The following NSL1 variants were observed in gnomAD, a reference collection of about 807,000 sequenced individuals.
NSL1 encodes the protein kinetochore-associated protein NSL1 homolog.
Under a neutral mutation model 25.4 loss-of-function variants are expected in NSL1, and 11 were observed. That is an observed-to-expected ratio of 0.43 (90% CI 0.27 to 0.72). The LOEUF is 0.72. Ranked by LOEUF, NSL1 falls within the 30% of genes least tolerant of loss-of-function variation. NSL1 has a pLI of 0.19. For synonymous variants in NSL1, 118 were observed against 120.6 expected, an observed-to-expected ratio of 0.98 and a Z score of 0.14; for missense variants, 330 against 342.7, an observed-to-expected ratio of 0.96 and a Z score of 0.29.
intron 4 of NSL1, among the ~76,000 whole-genome samples, chr1:212,780,240 C>T (rs914431809): frequency 6.6e-6 from 1 of 151,970 alleles, no homozygotes; most frequent in Non-Finnish European, 1.5e-5. Flanking sequence ...GTGCTGTGTC[C>T]ACTCAGGGTT....
intron 4 of NSL1, among the ~76,000 whole-genome samples, chr1:212,781,362 GT>G (rs777771493): frequency 6.6e-6 from 1 of 152,090 alleles, no homozygotes; most frequent in Non-Finnish European, 1.5e-5. Context: ...TTCAATTACT[GT>G]TTTTTTGTTA....
intron 4 of NSL1, among the ~76,000 whole-genome samples, chr1:212,768,866 T>C (rs1398966673): frequency 1.3e-5 from 2 of 152,062 alleles, no homozygotes; most frequent in Non-Finnish European, 2.9e-5. Flanking sequence ...CCAAAAACTA[T>C]TGAAATAAAA....
intron 4 of NSL1, among the ~76,000 whole-genome samples, chr1:212,748,217 A>C (rs1376195138): frequency 6.6e-6 from 1 of 152,202 alleles, no homozygotes; most frequent in Non-Finnish European, 1.5e-5. Flanking sequence ...AATATTATGT[A>C]ATCTAGTAAC....
Position 212,728,626 on chromosome 1 carries a change from G to A in NSL1, c.*9782C>T, listed in dbSNP as rs1657882518. 1.0e-6 allele frequency: 1 copy of A among 985,418 alleles called. No homozygotes were observed. Among genetic ancestry groups the A allele is most frequent in the Non-Finnish European group, 1.2e-6 (1 of 829,928 alleles). 61.0% of individuals were successfully genotyped at this position (985,418 alleles called of 1,614,324 possible). On this transcript the variant is annotated 3_prime_UTR_variant, in exon 6 of 6. Coordinates refer to ENST00000366977, the MANE Select transcript of NSL1 (RefSeq NM_015471.4). ...AAAAAATGGTTTCTGAGAATTCTGA[G>A]GCTCTGATCTGATGAGTGAAGGGAA...
chr1:212,747,128 CAA>C (rs138411233), intron 4 of NSL1, among the ~76,000 whole-genome samples: 86 of 128,098 alleles, frequency 6.7e-4, no homozygotes, highest in African/African-American at 7.3e-4. Context: ...GGCGACAGAG[CAA>C]AAAAAAAAAA....
chr1:212,751,574 G>A (rs1558045453), intron 4 of NSL1, among the ~76,000 whole-genome samples: 5 of 152,248 alleles, frequency 3.3e-5, no homozygotes, highest in African/African-American at 1.2e-4. Flanking sequence ...GCCTGGTAAA[G>A]AACTAAAACA....
At chr1:212,748,679 G>A (rs1658918968) in intron 4 of NSL1, among the ~76,000 whole-genome samples, 1 of 152,150 alleles carries the variant, frequency 6.6e-6, no homozygotes, top group Non-Finnish European at 1.5e-5. Flanking sequence ...TCAGAATAGT[G>A]GTTATACCTG....
chr1:212,776,278 G>A (rs902001156), intron 4 of NSL1, among the ~76,000 whole-genome samples: 4 of 151,940 alleles, frequency 2.6e-5, no homozygotes, highest in African/African-American at 4.8e-5. Context: ...CAGGAGAATC[G>A]CTTGAACCCA....
intron 5 of NSL1, among the ~76,000 whole-genome samples, chr1:212,739,122 T>C (rs1281895978): frequency 6.6e-6 from 1 of 152,198 alleles, no homozygotes; most frequent in Non-Finnish European, 1.5e-5. Flanking sequence ...GCTTAGCCTC[T>C]CTGTGCCTCA....
chr1:212,752,807 C>G lies in NSL1; in HGVS notation c.500-13206G>C, dbSNP rs376799830. 2.0e-5 allele frequency among the ~76,000 whole-genome samples: 3 copies of G among 151,780 alleles called. No homozygotes were observed. In the East Asian group the frequency reaches 5.8e-4, roughly 29 times the overall value. On this transcript the variant is annotated intron_variant, in intron 4 of 5. Coordinates refer to ENST00000366977, the MANE Select transcript of NSL1 (RefSeq NM_015471.4). ...TGGAAATGAAAGATTGAGTAATCAA[C>G]CTAGTTTTGCTTTCAGGTCACTGTA...
chr1:212,729,921 T>C lies in NSL1; in HGVS notation c.*8487A>G, dbSNP rs1657941206. 1 of 984,558 alleles carries C rather than the reference T, an allele frequency of 1.0e-6. No homozygotes were observed. The highest frequency in any genetic ancestry group is 1.2e-6 in the Non-Finnish European group (1 of 829,818). The allele number at this position is 984,558 out of a possible 1,614,324, so 61.0% of individuals were successfully genotyped here. ...GGGCAGGTAACCAGAAGCTGCCTTG[T>C]GGAGGAACTAAACCTCCGGAAGGAT... On this transcript the variant is annotated 3_prime_UTR_variant, in exon 6 of 6. Coordinates refer to ENST00000366977, the MANE Select transcript of NSL1 (RefSeq NM_015471.4).
chr1:212,782,929 AAAAG>A (rs1416634940), intron 3 of NSL1, among the ~76,000 whole-genome samples: 1 of 152,214 alleles, frequency 6.6e-6, no homozygotes, highest in Non-Finnish European at 1.5e-5. Flanking sequence ...AATGCAGGCA[AAAAG>A]AAAGAGGAAA....
chr1:212,761,697 C>T (rs1301207714), intron 4 of NSL1, among the ~76,000 whole-genome samples: 1 of 151,942 alleles, frequency 6.6e-6, no homozygotes, highest in Non-Finnish European at 1.5e-5. Context: ...ATTAAAGAAG[C>T]TCAGTGAGAT....
chr1:212,790,461 T>TA (rs1661154212), intron 1 of NSL1, among the ~76,000 whole-genome samples: 1 of 152,202 alleles, frequency 6.6e-6, no homozygotes, highest in Admixed American at 6.5e-5. Flanking sequence ...TTCTTAAATA[T>TA]TTTTGCAAAG....
At chr1:212,749,469 C>T (rs1412095419) in intron 4 of NSL1, among the ~76,000 whole-genome samples, 7 of 151,148 alleles carry the variant, frequency 4.6e-5, no homozygotes, top group South Asian at 2.1e-4. Flanking sequence ...TCACCCAGGC[C>T]GGAGTGCAGT....
At chr1:212,775,178 A>C (rs1215242580) in intron 4 of NSL1, among the ~76,000 whole-genome samples, 1 of 152,248 alleles carries the variant, frequency 6.6e-6, no homozygotes, top group Non-Finnish European at 1.5e-5. Flanking sequence ...AATTTATATG[A>C]AATGTCCAGA....
At chr1:212,766,743 T>A (rs1659841104) in intron 4 of NSL1, among the ~76,000 whole-genome samples, 2 of 151,070 alleles carry the variant, frequency 1.3e-5, no homozygotes, top group African/African-American at 4.9e-5. Flanking sequence ...AAGTACAAAA[T>A]CAGTGTACAC....
Position 212,791,586 on chromosome 1 carries a change from GC to G in NSL1, c.177del (p.Lys59AsnfsTer61). 6.2e-7 allele frequency: 1 copy of G among 1,613,904 alleles called. No individual in the cohort carries two copies. The highest frequency in any genetic ancestry group is 8.5e-7 in the Non-Finnish European group (1 of 1,180,030). On this transcript the variant is annotated frameshift_variant, in exon 1 of 6. Transcript: ENST00000366977. LOFTEE classifies it high-confidence loss of function. ...ATCTCCTCCGGCAGAGCGTCCCCGA[GC>G]TTTTGCACGAAGCGGCCGCACAGTT... Reference protein sequence around the residue: ...MLQLCGRFVQKLGDALPEEIR... With the variant: ...MLQLCGRFVQXLGDALPEEIR...
intron 3 of NSL1, chr1:212,784,047 A>G (rs1660835065): frequency 6.0e-6 from 1 of 168,012 alleles, no homozygotes; most frequent in African/African-American, 2.4e-5. Flanking sequence ...TTAAAAGAAA[A>G]GCTTCTTTTT....
Sources: gnomAD v4.1 joint callset for allele counts (sites outside exome capture counted in the v4.1 genomes callset) on GRCh38, gnomAD v4.1.1 for gene constraint, MANE v1.5 for transcripts, NCBI Gene and HGNC (gene_info 2026-07-23, HGNC 2026-07-21) for gene names.